LRBA: variants seen among roughly 807,000 people sequenced by gnomAD.
LRBA encodes the protein lipopolysaccharide-responsive and beige-like anchor protein.
LRBA carries 176 observed loss-of-function variants against 330.0 expected under a neutral mutation model. The observed-to-expected ratio is 0.53, with a 90% CI of 0.47 to 0.60. The LOEUF is 0.60. LRBA is among the 20% of genes least tolerant of loss of function. The pLI is 0.00. For synonymous variants in LRBA, 1,230 were observed against 1,193.0 expected (o/e 1.03, Z -0.64); for missense variants, 3,259 against 3,444.8 (o/e 0.95, Z 1.35).
At position 150,735,360 on chromosome 4, in the gene LRBA, A is replaced by C. The variant is rs199595395; in HGVS notation, c.5652T>G (p.Leu1884=). Reference sequence around the variant, plus strand: ...CTAGATGATCCTTCATTGTCTGGCTAAGCAACCTGTAAGAAATGAATGTTA... The same window carrying C: ...CTAGATGATCCTTCATTGTCTGGCTCAGCAACCTGTAAGAAATGAATGTTA... ...FIELVNEGRL[L]SQTMKDHLVR... The change falls in exon 36 of 57, where the codon CTT becomes CTG. Residue 1884 remains leucine, a synonymous_variant. Transcript: ENST00000651943. The C allele has an allele frequency of 2.5e-6, 4 of 1,603,530 alleles. No homozygotes were observed. In the East Asian group the frequency reaches 8.9e-5, roughly 36 times the overall value.
At chr4:150,639,793 ATATATATATATATGTGTGTGTGTG>A (rs1236778889) in intron 37 of LRBA, among the ~76,000 whole-genome samples, 4,798 of 10,420 alleles carry the variant, frequency 0.46, 1,667 homozygotes, top group Non-Finnish European at 0.56. Flanking sequence ...GTGTGTGTGT[ATATATATATATATGTGTGTGTGTG>A]TGTATATATA....
chr4:150,339,440 T>C (rs1405112452), intron 48 of LRBA, among the ~76,000 whole-genome samples: 1 of 152,168 alleles, frequency 6.6e-6, no homozygotes. Context: ...CATATCCTCA[T>C]GTTAACATAC....
chr4:150,834,664 G>A (rs549564716), intron 28 of LRBA, among the ~76,000 whole-genome samples: 3 of 152,246 alleles, frequency 2.0e-5, no homozygotes, highest in South Asian at 2.1e-4. Context: ...AAGGGTCCGA[G>A]GATTTTCAGA....
intron 51 of LRBA, chr4:150,311,038 A>T (rs1560996656): frequency 6.6e-6 from 1 of 152,232 alleles, no homozygotes; most frequent in Non-Finnish European, 1.5e-5. Flanking sequence ...AAAACAAGAC[A>T]GCCTTGGCAG....
chr4:150,911,567 C>A (rs1052566779), intron 9 of LRBA, among the ~76,000 whole-genome samples: 14 of 152,070 alleles, frequency 9.2e-5, no homozygotes, highest in Admixed American at 3.9e-4. Context: ...GTGTATAATT[C>A]TTTTAATGTG....
chr4:150,454,310 T>C (rs777770206), intron 44 of LRBA, among the ~76,000 whole-genome samples: 6 of 152,110 alleles, frequency 3.9e-5, no homozygotes, highest in Admixed American at 6.6e-5. Context: ...GTCAATTTGT[T>C]ATATTAGTGA....
chr4:150,645,698 A>G (rs1350070923), intron 37 of LRBA, among the ~76,000 whole-genome samples: 1 of 152,008 alleles, frequency 6.6e-6, no homozygotes, highest in Non-Finnish European at 1.5e-5. Flanking sequence ...TCCAAGAGAT[A>G]AACATGCTCA....
chr4:151,007,870 A>C (rs927523351), intron 2 of LRBA, among the ~76,000 whole-genome samples: 4 of 151,796 alleles, frequency 2.6e-5, no homozygotes, highest in Admixed American at 2.0e-4. Flanking sequence ...AAAAAAAAAA[A>C]AAAGAATGTA....
intron 25 of LRBA, 74 bp downstream of exon 25, chr4:150,849,348 T>C (rs929587376): frequency 4.4e-6 from 6 of 1,353,008 alleles, no homozygotes; most frequent in Non-Finnish European, 6.3e-6. Context: ...AACCACCACA[T>C]TTAAGTTTTA....
At chr4:150,712,558 T>A (rs1246095816) in intron 36 of LRBA, among the ~76,000 whole-genome samples, 1 of 152,194 alleles carries the variant, frequency 6.6e-6, no homozygotes, top group African/African-American at 2.4e-5. Context: ...AGAAGTAATA[T>A]TTTCATGTCA....
chr4:151,010,848 C>A (rs1264041395), intron 2 of LRBA, among the ~76,000 whole-genome samples: 1 of 146,542 alleles, frequency 6.8e-6, no homozygotes, highest in Non-Finnish European at 1.5e-5. Context: ...CGCACCACTG[C>A]ACTCCAACCT....
chr4:150,638,796 G>C (rs575966016), intron 37 of LRBA, among the ~76,000 whole-genome samples: 7 of 116,240 alleles, frequency 6.0e-5, no homozygotes, highest in Non-Finnish European at 1.1e-4. Context: ...TCAGTGTGGC[G>C]ATTCCTCAGG....
At chr4:150,970,266 G>A (rs1343977195) in intron 2 of LRBA, among the ~76,000 whole-genome samples, 1 of 152,088 alleles carries the variant, frequency 6.6e-6, no homozygotes, top group East Asian at 1.9e-4. Flanking sequence ...TAGGGAGGCT[G>A]AGGCAGACAG....
intron 36 of LRBA, among the ~76,000 whole-genome samples, chr4:150,716,850 C>G (rs1728269113): frequency 6.6e-6 from 1 of 152,108 alleles, no homozygotes; most frequent in South Asian, 2.1e-4. Context: ...TCGACAGAGG[C>G]TATGGGGACA....
chr4:150,443,873 T>TATATATATATATATATATATATA (rs1491391084), intron 44 of LRBA, among the ~76,000 whole-genome samples: 1 of 18,632 alleles, frequency 5.4e-5, no homozygotes, highest in African/African-American at 2.4e-4. Context: ...TATATATATA[T>TATATATATATATATATATATATA]TTTTTTTTTT....
At chr4:150,964,487 C>T (rs886376587) in intron 2 of LRBA, among the ~76,000 whole-genome samples, 2 of 150,238 alleles carry the variant, frequency 1.3e-5, no homozygotes, top group South Asian at 4.1e-4. Context: ...AGGAAAAATT[C>T]TTCTGCCTTG....
At position 150,804,020 on chromosome 4, in the gene LRBA, T is replaced by C. The variant is rs572904367; in HGVS notation, c.5518+2251A>G. ...TATTTAATACATACATCTTACTCAC[T>C]GTAATAAAATTAAACATAGTTCATA... On this transcript the variant is annotated intron_variant, in intron 33 of 56. Transcript: ENST00000651943. 2.4e-4 allele frequency among the ~76,000 whole-genome samples: 36 copies of C among 152,206 alleles called. 1 individual carries two copies. Among genetic ancestry groups the C allele is most frequent in the South Asian group, 1.9e-3 (9 of 4,818 alleles).
At chr4:150,887,687 T>G (rs1188115154) in intron 17 of LRBA, among the ~76,000 whole-genome samples, 1 of 142,238 alleles carries the variant, frequency 7.0e-6, no homozygotes, top group African/African-American at 2.6e-5. Flanking sequence ...GAGAATGGCA[T>G]GAACCCAGGA....
At chr4:150,662,981 C>A (rs568930697) in intron 37 of LRBA, among the ~76,000 whole-genome samples, 22 of 149,370 alleles carry the variant, frequency 1.5e-4, no homozygotes, top group East Asian at 3.9e-4. Context: ...AACAAACAAA[C>A]AAAAAAAAAC....
Sources: gnomAD v4.1 joint callset for allele counts (sites outside exome capture counted in the v4.1 genomes callset) on GRCh38, gnomAD v4.1.1 for gene constraint, MANE v1.5 for transcripts, NCBI Gene and HGNC (gene_info 2026-07-23, HGNC 2026-07-21) for gene names.